IL1RAPL1: variants seen among roughly 807,000 people sequenced by gnomAD.
IL1RAPL1 encodes the protein interleukin-1 receptor accessory protein-like 1.
In IL1RAPL1, 3 loss-of-function variants were observed where a neutral mutation model predicts 48.4. The observed-to-expected ratio is 0.06, with a 90% CI of 0.03 to 0.16. IL1RAPL1 has a LOEUF of 0.16. Among genes scored for constraint, IL1RAPL1 ranks in the 10% least tolerant of loss-of-function variants. IL1RAPL1 has a pLI of 1.00. For missense variants in IL1RAPL1, 349 were observed against 530.6 expected (o/e 0.66, Z 3.36); for synonymous variants, 185 against 187.7 (o/e 0.99, Z 0.12).
Position 28,701,468 on chromosome X carries a change from A to T in IL1RAPL1, c.-24-87852A>T, listed in dbSNP as rs185502246. Among the ~76,000 whole-genome samples the T allele has an allele frequency of 3.7e-3, 415 of 112,202 alleles. 4 individuals carry two copies. Among genetic ancestry groups the T allele is most frequent in the African/African-American group, 0.013 (391 of 30,990 alleles). ...GAGAGATTAATTTTACTCTTTGTAA[A>T]ATGTAAGAAATTACAAGAATACTGC... On this transcript the variant is annotated intron_variant, in intron 1 of 10. Transcript: ENST00000378993.
intron 6 of IL1RAPL1, 152 bp from the exon 7 acceptor site, chrX:29,917,312 T>G (rs1932807032): frequency 2.0e-6 from 1 of 510,917 alleles, no homozygotes; most frequent in Admixed American, 3.9e-5. Flanking sequence ...TTCTATCAAT[T>G]TGACAAAGAT....
intron 8 of IL1RAPL1, among the ~76,000 whole-genome samples, chrX:29,939,385 G>A (rs1255368384): frequency 8.9e-6 from 1 of 111,923 alleles, no homozygotes; most frequent in Non-Finnish European, 1.9e-5. Context: ...TCTTCCTGAT[G>A]TATAAATCAC....
At chrX:28,833,471 A>T (rs182368312) in intron 2 of IL1RAPL1, among the ~76,000 whole-genome samples, 173 of 111,512 alleles carry the variant, frequency 1.6e-3, no homozygotes, top group African/African-American at 5.5e-3. Context: ...TTTCTTTGCA[A>T]CCTTGCCAAC....
intron 2 of IL1RAPL1, among the ~76,000 whole-genome samples, chrX:29,208,909 G>A (rs1346872869): frequency 1.8e-5 from 2 of 109,988 alleles, no homozygotes; most frequent in African/African-American, 6.6e-5. Flanking sequence ...CCAACTTCCT[G>A]CTTTAGGATA....
intron 2 of IL1RAPL1, among the ~76,000 whole-genome samples, chrX:29,145,369 T>C (rs1392938390): frequency 8.9e-6 from 1 of 112,426 alleles, no homozygotes; most frequent in East Asian, 2.8e-4. Flanking sequence ...CTTTGTTCCA[T>C]GCCAAAAATC....
chrX:28,935,304 A>G (rs1228790303), intron 2 of IL1RAPL1, among the ~76,000 whole-genome samples: 2 of 111,510 alleles, frequency 1.8e-5, no homozygotes, highest in Non-Finnish European at 3.8e-5. Flanking sequence ...ACAAAGCGTA[A>G]GGCAGAGTTC....
chrX:29,167,612 A>G (rs989484321), intron 2 of IL1RAPL1, among the ~76,000 whole-genome samples: 2 of 110,765 alleles, frequency 1.8e-5, no homozygotes, highest in East Asian at 5.6e-4. Context: ...AAAGCTTTAT[A>G]TTAAAGACAA....
intron 2 of IL1RAPL1, among the ~76,000 whole-genome samples, chrX:29,151,928 A>G (rs183692457): frequency 4.5e-5 from 5 of 111,908 alleles, no homozygotes; most frequent in African/African-American, 9.7e-5. Flanking sequence ...GCCAGCCTAT[A>G]TATTATTTCT....
intron 2 of IL1RAPL1, among the ~76,000 whole-genome samples, chrX:28,993,591 T>C (rs998378592): frequency 1.8e-5 from 2 of 112,611 alleles, no homozygotes; most frequent in East Asian, 2.8e-4. Flanking sequence ...TATTTATTTA[T>C]TGAGAAGGCA....
chrX:29,807,504 A>G (rs1181367712), intron 6 of IL1RAPL1, among the ~76,000 whole-genome samples: 2 of 106,721 alleles, frequency 1.9e-5, no homozygotes, highest in Non-Finnish European at 3.9e-5. Flanking sequence ...AATCCCAGCT[A>G]CTTGGAAAGC....
chrX:29,675,290 T>C (rs934388475), intron 6 of IL1RAPL1, among the ~76,000 whole-genome samples: 3 of 112,247 alleles, frequency 2.7e-5, no homozygotes, highest in Non-Finnish European at 5.6e-5. Flanking sequence ...TGAGTTTTCT[T>C]GTTCACTTAC....
At chrX:29,588,990 CCTA>C (rs1335369884) in intron 5 of IL1RAPL1, among the ~76,000 whole-genome samples, 6 of 111,714 alleles carry the variant, frequency 5.4e-5, no homozygotes, top group African/African-American at 2.0e-4. Flanking sequence ...CTCTGCTACT[CCTA>C]TGGTCCTTGA....
At chrX:28,920,993 T>C (rs1180954191) in intron 2 of IL1RAPL1, among the ~76,000 whole-genome samples, 2 of 111,423 alleles carry the variant, frequency 1.8e-5, no homozygotes, top group African/African-American at 6.5e-5. Flanking sequence ...TACTACCTTT[T>C]TATTGGGTCA....
At chrX:29,263,108 A>G (rs1399564652) in intron 2 of IL1RAPL1, among the ~76,000 whole-genome samples, 1 of 111,962 alleles carries the variant, frequency 8.9e-6, no homozygotes, top group Non-Finnish European at 1.9e-5. Context: ...TGGTCCCACA[A>G]TATTTGTTTA....
At position 29,955,131 on chromosome X, in the gene IL1RAPL1, G is replaced by A. The variant is rs1464671716; in HGVS notation, c.1402G>A (p.Asp468Asn). The A allele has an allele frequency of 6.6e-6, 8 of 1,209,302 alleles. No homozygotes were observed. Among genetic ancestry groups the A allele is most frequent in the Non-Finnish European group, 8.9e-6 (8 of 894,546 alleles). ...TYIEDVARCV[D>N]QSKRLIIVMT... ...CATTGAAGATGTGGCAAGATGTGTA[G>A]ATCAAAGCAAGCGGCTGATTATTGT... Residue 468 changes from aspartate (D) to asparagine (N), a missense_variant, in exon 11 of 11, where the codon GAT becomes AAT. Physicochemically the swap from Asp to Asn is conservative, Grantham distance 23. This residue lies in a region of IL1RAPL1 where 46 missense variants were observed against 113.3 expected (regional missense o/e 0.41). Transcript: ENST00000378993.
chrX:29,319,546 G>GTATCTATC (rs1488581381), intron 3 of IL1RAPL1, among the ~76,000 whole-genome samples: 4 of 81,013 alleles, frequency 4.9e-5, no homozygotes, highest in East Asian at 3.6e-4. Flanking sequence ...ATGTATGTAT[G>GTATCTATC]TATGTATGTA....
chrX:28,955,387 A>G (rs1924579065), intron 2 of IL1RAPL1, among the ~76,000 whole-genome samples: 1 of 111,254 alleles, frequency 9.0e-6, no homozygotes, highest in African/African-American at 3.3e-5. Flanking sequence ...CACACATACT[A>G]GAGTCTTTAC....
At chrX:28,655,213 G>A (rs1934736099) in intron 1 of IL1RAPL1, among the ~76,000 whole-genome samples, 1 of 110,809 alleles carries the variant, frequency 9.0e-6, no homozygotes, top group Non-Finnish European at 1.9e-5. Flanking sequence ...CATATTTCCT[G>A]TAAGAAAAGT....
intron 3 of IL1RAPL1, among the ~76,000 whole-genome samples, chrX:29,364,455 C>T (rs1328578422): frequency 3.8e-5 from 4 of 105,834 alleles, no homozygotes; most frequent in East Asian, 6.0e-4. Context: ...CCCAGCTACT[C>T]GGGAGGCTTA....
Sources: gnomAD v4.1 joint callset for allele counts (sites outside exome capture counted in the v4.1 genomes callset) on GRCh38, gnomAD v4.1.1 for gene constraint, gnomAD v4.1.1 regional missense constraint, MANE v1.5 for transcripts, NCBI Gene and HGNC (gene_info 2026-07-23, HGNC 2026-07-21) for gene names.